Variants in TPMT observed in about 807,000 individuals in gnomAD.
The protein encoded by TPMT is S-adenosyl-L-methionine:thiopurine S-methyltransferase.
A neutral mutation model predicts 34.2 loss-of-function variants in TPMT; 18 were observed. That is an observed-to-expected ratio of 0.53 (90% CI 0.36 to 0.78). The LOEUF is 0.78. TPMT is among the 30% of genes least tolerant of loss of function. TPMT has a pLI of 0.00. For synonymous variants in TPMT, 69 were observed against 92.4 expected (o/e 0.75, Z 1.45); for missense variants, 265 against 288.1 (o/e 0.92, Z 0.58).
In TPMT at chr6:18,140,110, ATG is replaced by A. The variant is rs1173354954; in HGVS notation, c.367-395_367-394del. 6.6e-6 allele frequency among the ~76,000 whole-genome samples: 1 copy of A among 152,228 alleles called. No homozygotes were observed. Among genetic ancestry groups the A allele is most frequent in the Non-Finnish European group, 1.5e-5 (1 of 68,034 alleles). The stretch of plus-strand genomic sequence containing the variant: ...TCAGGTATTTTAAGTTATTCCAGAA[ATG>A]TGCAATTGTGCTGATTCTTCCATTT... On this transcript the variant is annotated intron_variant, in intron 4 of 8. Transcript: ENST00000309983. This position sits in a 1 kb window ranked among gnomAD's most constrained non-coding sequence, Gnocchi z 4.7.
At position 18,140,274 on chromosome 6, in the gene TPMT, G is replaced by C. The variant is rs143832707; in HGVS notation, c.367-557C>G. Among the ~76,000 whole-genome samples the C allele has an allele frequency of 5.3e-3, 812 of 152,310 alleles. 7 individuals carry two copies. The highest frequency in any genetic ancestry group is 0.01 in the Middle Eastern group (3 of 294). ...TGAGGACAGACTAGAGCAGAGAAGC[G>C]TGGGCACAGAGAACATTACAATCCA... On this transcript the variant is annotated intron_variant, in intron 4 of 8. Coordinates refer to ENST00000309983, the MANE Select transcript of TPMT (RefSeq NM_000367.5). The surrounding 1 kb of genome is among the most constrained non-coding windows in gnomAD (Gnocchi z 4.7).
At position 18,147,863 on chromosome 6, in the gene TPMT, C is replaced by A. The variant is rs781428057; in HGVS notation, c.193G>T (p.Val65Leu). 1.9e-6 allele frequency: 3 copies of A among 1,613,866 alleles called. No homozygotes were observed. The highest frequency in any genetic ancestry group is 2.2e-5 in the East Asian group (1 of 44,832). Reference sequence around the variant, plus strand: ...GCTTTTCCGCAAAGAGGAAAAAATACCCTCAGTCCACTCTTGCCTTTAAGG... The same window carrying A: ...GCTTTTCCGCAAAGAGGAAAAAATAACCTCAGTCCACTCTTGCCTTTAAGG... ...TFLKGKSGLR[V>L]FFPLCGKAVE... is the part of the protein sequence containing the mutation. Residue 65 changes from valine to leucine, a missense_variant, in exon 3 of 9, where the codon GTA becomes TTA. Coordinates refer to ENST00000309983, the MANE Select transcript of TPMT (RefSeq NM_000367.5).
chr6:18,150,873 C>G lies in TPMT; in HGVS notation c.-44-1702G>C, dbSNP rs569694386. On this transcript the variant is annotated intron_variant, in intron 1 of 8. Coordinates refer to ENST00000309983, the MANE Select transcript of TPMT (RefSeq NM_000367.5). This position sits in a 1 kb window ranked among gnomAD's most constrained non-coding sequence, Gnocchi z 5.3. ...GGATTACAGGCATGCACTACCAGGT[C>G]CAGCTAATTTTTGTGTTTTTAATAG... Among the ~76,000 whole-genome samples the G allele has an allele frequency of 6.6e-6, 1 of 152,196 alleles. No individual in the cohort carries two copies. Among genetic ancestry groups the G allele is most frequent in the Non-Finnish European group, 1.5e-5 (1 of 68,012 alleles).
Position 18,143,613 on chromosome 6 carries a change from C to G in TPMT, c.349G>C (p.Gly117Arg), listed in dbSNP as rs1183234651. The G allele has an allele frequency of 1.9e-6, 3 of 1,612,638 alleles. No homozygotes were observed. The highest frequency in any genetic ancestry group is 2.5e-6 in the Non-Finnish European group (3 of 1,179,994). The change falls in exon 4 of 9, where the codon GGA becomes CGA. Residue 117 changes from glycine to arginine, a missense_variant. Coordinates refer to ENST00000309983, the MANE Select transcript of TPMT (RefSeq NM_000367.5). The surrounding 1 kb of genome is among the most constrained non-coding windows in gnomAD (Gnocchi z 6.1). ...AAACAAACCTTAAATACTTTGGTTC[C>G]AGGAATTTCGGTGATTGGTTCTTCT... ...YSEEPITEIPGTKVFKSSSGN... is the reference protein window; with the variant it reads ...YSEEPITEIPRTKVFKSSSGN...
In TPMT at chr6:18,149,723, G is replaced by A. The variant is rs1001704891; in HGVS notation, c.-44-552C>T. The stretch of plus-strand genomic sequence containing the variant: ...CAAGGGATCCTTCTGTCTTGGCCTC[G>A]CAAAGCACTGGGATTACAAGTGTGA... On this transcript the variant is annotated intron_variant, in intron 1 of 8. Coordinates refer to ENST00000309983, the MANE Select transcript of TPMT (RefSeq NM_000367.5). This position sits in a 1 kb window ranked among gnomAD's most constrained non-coding sequence, Gnocchi z 5.0. Among the ~76,000 whole-genome samples, 1 of 151,932 alleles carries A rather than the reference G, an allele frequency of 6.6e-6. No individual in the cohort carries two copies. The highest frequency in any genetic ancestry group is 2.4e-5 in the African/African-American group (1 of 41,368).
chr6:18,133,681 T>A, intron 7 of TPMT, 123 bp downstream of exon 7: 1 of 723,644 alleles, frequency 1.4e-6, no homozygotes. Context: ...TATCTCCATG[T>A]ATATATGCAG....
Position 18,143,447 on chromosome 6 carries a change from C to T in TPMT, c.366+149G>A. 1.9e-6 allele frequency: 2 copies of T among 1,029,150 alleles called. No individual in the cohort carries two copies. Among genetic ancestry groups the T allele is most frequent in the East Asian group, 2.6e-5 (1 of 38,772 alleles). The allele number at this position is 1,029,150 out of a possible 1,614,324, so 63.8% of individuals were successfully genotyped here. A position where few individuals can be genotyped will look rare whatever the true frequency, so the allele number is the denominator to read the frequency against. On this transcript the variant is annotated intron_variant, in intron 4 of 8. Transcript: ENST00000309983. The surrounding 1 kb of genome is among the most constrained non-coding windows in gnomAD (Gnocchi z 6.1). ...GTAGCTATCACCTATATTTTTAAGC[C>T]CTTGCTTCTTATACTATATAGTATC...
In TPMT at chr6:18,132,584, G is replaced by C. The variant is rs1783966653; in HGVS notation, c.581-407C>G. On this transcript the variant is annotated intron_variant, in intron 7 of 8. Coordinates refer to ENST00000309983, the MANE Select transcript of TPMT (RefSeq NM_000367.5). The surrounding 1 kb of genome is among the most constrained non-coding windows in gnomAD (Gnocchi z 4.8). ...GAGCTTCCGCCCCCTTCTAAGAGCA[G>C]TATCCTCAGACTCCACCTCCAGACA... is the stretch of plus-strand genomic sequence containing the variant. 6.6e-6 allele frequency among the ~76,000 whole-genome samples: 1 copy of C among 152,134 alleles called. No homozygotes were observed. Among genetic ancestry groups the C allele is most frequent in the South Asian group, 2.1e-4 (1 of 4,826 alleles).
chr6:18,143,069 C>G lies in TPMT; in HGVS notation c.366+527G>C, dbSNP rs113216525. Among the ~76,000 whole-genome samples, 2 of 152,082 alleles carry G rather than the reference C, an allele frequency of 1.3e-5. No homozygotes were observed. Among genetic ancestry groups the G allele is most frequent in the Non-Finnish European group, 2.9e-5 (2 of 68,022 alleles). On this transcript the variant is annotated intron_variant, in intron 4 of 8. Transcript: ENST00000309983. The surrounding 1 kb of genome is among the most constrained non-coding windows in gnomAD (Gnocchi z 6.1). ...TCCCGAGGTGTCCAAGACCATGGAC[C>G]CAGGCCCTGCCTGATTCCAGCTCTA...
chr6:18,129,870 G>A lies in TPMT; in HGVS notation c.*798C>T, dbSNP rs1783903779. Reference sequence around the variant, plus strand: ...ATACATGGAGAAACCATGTGAAAAGGGATGCTAGGATCTGAGTAAAAGACA... The same window carrying A: ...ATACATGGAGAAACCATGTGAAAAGAGATGCTAGGATCTGAGTAAAAGACA... On this transcript the variant is annotated 3_prime_UTR_variant, in exon 9 of 9. Transcript: ENST00000309983. The A allele has an allele frequency of 6.6e-6, 1 of 152,118 alleles. No individual in the cohort carries two copies. The highest frequency in any genetic ancestry group is 1.5e-5 in the Non-Finnish European group (1 of 68,034). 9.4% of individuals were successfully genotyped at this position (152,118 alleles called of 1,614,324 possible). A position where few individuals can be genotyped will look rare whatever the true frequency, so the allele number is the denominator to read the frequency against.
chr6:18,130,632 A>C lies in TPMT; in HGVS notation c.*36T>G. ...TAGCATAATTTTCAATTCCTCAAAA[A>C]CATGTCAGTGTGATTTTATTTTATC... On this transcript the variant is annotated 3_prime_UTR_variant, in exon 9 of 9. Coordinates refer to ENST00000309983, the MANE Select transcript of TPMT (RefSeq NM_000367.5). This position sits in a 1 kb window ranked among gnomAD's most constrained non-coding sequence, Gnocchi z 4.2. The C allele has an allele frequency of 7.3e-7, 1 of 1,365,786 alleles. No homozygotes were observed. Among genetic ancestry groups the C allele is most frequent in the Non-Finnish European group, 1.0e-6 (1 of 956,750 alleles). The allele number at this position is 1,365,786 out of a possible 1,614,324, so 84.6% of individuals were successfully genotyped here.
Position 18,138,993 on chromosome 6 carries a change from A to G in TPMT, c.464T>C (p.Leu155Ser), listed in dbSNP as rs1158437171. Reference sequence around the variant, plus strand: ...GCGATCACCTGGATTGATGGCAACTAATGCTCCTCTATCCCAAATCATGTC... The same window carrying G: ...GCGATCACCTGGATTGATGGCAACTGATGCTCCTCTATCCCAAATCATGTC... Reference protein sequence around the residue: ...KFDMIWDRGALVAINPGDRKC... With the variant: ...KFDMIWDRGASVAINPGDRKC... Residue 155 changes from leucine (L) to serine (S), a missense_variant, in exon 6 of 9, where the codon TTA becomes TCA. Coordinates refer to ENST00000309983, the MANE Select transcript of TPMT (RefSeq NM_000367.5). The surrounding 1 kb of genome is among the most constrained non-coding windows in gnomAD (Gnocchi z 4.1). The G allele has an allele frequency of 1.9e-6, 3 of 1,613,670 alleles. No homozygotes were observed. The highest frequency in any genetic ancestry group is 2.2e-5 in the East Asian group (1 of 44,900).
At position 18,140,124 on chromosome 6, in the gene TPMT, T is replaced by C. The variant is rs538784037; in HGVS notation, c.367-407A>G. ...TTATTCCAGAAATGTGCAATTGTGC[T>C]GATTCTTCCATTTTTGCTCATTCAT... On this transcript the variant is annotated intron_variant, in intron 4 of 8. Transcript: ENST00000309983. The surrounding 1 kb of genome is among the most constrained non-coding windows in gnomAD (Gnocchi z 4.7). 6.6e-6 allele frequency among the ~76,000 whole-genome samples: 1 copy of C among 152,370 alleles called. No individual in the cohort carries two copies. The highest frequency in any genetic ancestry group is 2.1e-4 in the South Asian group (1 of 4,832).
At chr6:18,147,442 T>C (rs1022183684) in intron 3 of TPMT, among the ~76,000 whole-genome samples, 1 of 152,236 alleles carries the variant, frequency 6.6e-6, no homozygotes, top group Non-Finnish European at 1.5e-5. Flanking sequence ...CAAAAAGCTG[T>C]AATTCATTTT....
At position 18,140,030 on chromosome 6, in the gene TPMT, T is replaced by C. The variant is rs754143943; in HGVS notation, c.367-313A>G. ...CTCGAGCAGAGTGATATTTTTACTC[T>C]GCTAAAGATAAATCTGCAGGTCAAC... is the stretch of plus-strand genomic sequence containing the variant. On this transcript the variant is annotated intron_variant, in intron 4 of 8. Transcript: ENST00000309983. This position sits in a 1 kb window ranked among gnomAD's most constrained non-coding sequence, Gnocchi z 4.7. Among the ~76,000 whole-genome samples, 40 of 152,206 alleles carry C rather than the reference T, an allele frequency of 2.6e-4. No homozygotes were observed. Among genetic ancestry groups the C allele is most frequent in the Non-Finnish European group, 5.4e-4 (37 of 68,040 alleles).
intron 6 of TPMT, among the ~76,000 whole-genome samples, chr6:18,134,884 C>T (rs748828372): frequency 3.7e-4 from 56 of 152,130 alleles, no homozygotes; most frequent in Non-Finnish European, 2.8e-4. Flanking sequence ...AGGCCAAGGA[C>T]AAAGATGGAC....
chr6:18,139,789 G>T lies in TPMT; in HGVS notation c.367-72C>A, dbSNP rs1784110309. ...GTACTTGAATAGTCAAGGAAAGAGG[G>T]CCAAGCAAAGCAAAAGTTCTAGGGA... On this transcript the variant is annotated intron_variant, in intron 4 of 8. Coordinates refer to ENST00000309983, the MANE Select transcript of TPMT (RefSeq NM_000367.5). This position sits in a 1 kb window ranked among gnomAD's most constrained non-coding sequence, Gnocchi z 4.2. The T allele has an allele frequency of 3.1e-6, 3 of 968,140 alleles. No individual in the cohort carries two copies. The highest frequency in any genetic ancestry group is 4.8e-6 in the Non-Finnish European group (3 of 627,948). 60.0% of individuals were successfully genotyped at this position (968,140 alleles called of 1,614,324 possible).
At position 18,131,680 on chromosome 6, in the gene TPMT, AT is replaced by A. The variant is rs1187388347; in HGVS notation, c.625+452del. ...ATATATACAGAGCATATTTACAGAG[AT>A]TAGTTCCTTTTCTAAGATAAAACAA... On this transcript the variant is annotated intron_variant, in intron 8 of 8. Coordinates refer to ENST00000309983, the MANE Select transcript of TPMT (RefSeq NM_000367.5). The surrounding 1 kb of genome is among the most constrained non-coding windows in gnomAD (Gnocchi z 4.3). Among the ~76,000 whole-genome samples, 2 of 152,204 alleles carry A rather than the reference AT, an allele frequency of 1.3e-5. No individual in the cohort carries two copies. The highest frequency in any genetic ancestry group is 6.5e-5 in the Admixed American group (1 of 15,278).
rs1016582424 is a variant in TPMT at position 18,140,869 on chromosome 6, G to A, written c.367-1152C>T. Among the ~76,000 whole-genome samples the A allele has an allele frequency of 6.6e-6, 1 of 152,126 alleles. No individual in the cohort carries two copies. Among genetic ancestry groups the A allele is most frequent in the Non-Finnish European group, 1.5e-5 (1 of 68,016 alleles). On this transcript the variant is annotated intron_variant, in intron 4 of 8. Transcript: ENST00000309983. This position sits in a 1 kb window ranked among gnomAD's most constrained non-coding sequence, Gnocchi z 4.7. ...CCTGGGAGCTGGGGTGAAGGGCAGT[G>A]TAGGAAAGGTGTGTCAGCACACAAG...
Sources: allele counts gnomAD v4.1 joint callset (sites outside exome capture counted in the v4.1 genomes callset), GRCh38; gene constraint gnomAD v4.1.1; non-coding constraint Gnocchi (gnomAD v3.1); transcripts MANE v1.5; gene names NCBI Gene and HGNC (gene_info 2026-07-23, HGNC 2026-07-21).